KCNU1: variants seen among roughly 807,000 people sequenced by gnomAD.
KCNU1 encodes potassium channel subfamily U member 1.
A neutral mutation model predicts 126.8 loss-of-function variants in KCNU1; 93 were observed. The ratio of observed to expected loss-of-function variants is 0.73; its 90% confidence interval spans 0.62 to 0.87. KCNU1 has a LOEUF of 0.87. KCNU1 is among the 40% of genes least tolerant of loss of function. KCNU1 has a pLI of 0.00. For synonymous variants in KCNU1, 523 were observed against 494.2 expected (o/e 1.06, Z -0.77); for missense variants, 1,330 against 1,367.1 (o/e 0.97, Z 0.43).
intron 22 of KCNU1, among the ~76,000 whole-genome samples, chr8:36,914,403 C>T (rs1808015596): frequency 6.6e-6 from 1 of 152,214 alleles, no homozygotes; most frequent in South Asian, 2.1e-4. Context: ...ATACACAGGA[C>T]GGCCTCACAC....
At chr8:36,932,127 C>T (rs749754722) in intron 25 of KCNU1, among the ~76,000 whole-genome samples, 1 of 152,104 alleles carries the variant, frequency 6.6e-6, no homozygotes, top group Non-Finnish European at 1.5e-5. Context: ...AGGGGCAGGA[C>T]CCATGTTCTG....
intron 7 of KCNU1, 130 bp from the exon 8 acceptor site, chr8:36,814,077 C>A: frequency 1.5e-6 from 1 of 666,270 alleles, no homozygotes; most frequent in Non-Finnish European, 2.6e-6. Context: ...CTCTTCATAG[C>A]AACCTGAAAG....
chr8:36,785,871 T>A (rs1399048203), intron 1 of KCNU1, among the ~76,000 whole-genome samples: 1 of 152,220 alleles, frequency 6.6e-6, no homozygotes, highest in African/African-American at 2.4e-5. Context: ...TTTCATTTCT[T>A]ACTTTGGGTG....
intron 8 of KCNU1, among the ~76,000 whole-genome samples, chr8:36,815,337 G>A (rs1041809549): frequency 1.3e-5 from 2 of 152,038 alleles, no homozygotes; most frequent in African/African-American, 4.8e-5. Context: ...AGTGATGAAA[G>A]GATAAGACAT....
At chr8:36,852,847 T>C (rs1376653296) in intron 18 of KCNU1, among the ~76,000 whole-genome samples, 3 of 152,198 alleles carry the variant, frequency 2.0e-5, no homozygotes, top group African/African-American at 4.8e-5. Context: ...TTATCTATTT[T>C]GTTGATCTTT....
chr8:36,901,246 C>G (rs555338716), intron 19 of KCNU1, among the ~76,000 whole-genome samples: 27 of 152,130 alleles, frequency 1.8e-4, no homozygotes, highest in Non-Finnish European at 3.5e-4. Context: ...TGAACTAGCA[C>G]AGTGAAACCT....
intron 18 of KCNU1, among the ~76,000 whole-genome samples, chr8:36,862,570 C>T (rs931683905): frequency 3.3e-5 from 5 of 152,170 alleles, no homozygotes; most frequent in African/African-American, 4.8e-5. Flanking sequence ...ACCCCACACA[C>T]ATGCACCTTC....
At chr8:36,844,088 G>T (rs1047831337) in intron 16 of KCNU1, among the ~76,000 whole-genome samples, 5 of 152,052 alleles carry the variant, frequency 3.3e-5, no homozygotes, top group African/African-American at 4.8e-5. Context: ...TTAAAAAAAT[G>T]AAAGGAGCGG....
chr8:36,897,174 C>CTG (rs150557346), intron 19 of KCNU1, among the ~76,000 whole-genome samples: 36 of 151,190 alleles, frequency 2.4e-4, no homozygotes, highest in East Asian at 1.2e-3. Flanking sequence ...TTGCCAAAAG[C>CTG]TGTGTGTGTG....
chr8:36,870,507 T>C (rs1368335199), intron 19 of KCNU1, among the ~76,000 whole-genome samples: 3 of 152,144 alleles, frequency 2.0e-5, no homozygotes, highest in Non-Finnish European at 4.4e-5. Flanking sequence ...CCCCATCTTT[T>C]AGCCTCAATG....
chr8:36,883,957 T>C (rs1027741186), intron 19 of KCNU1, among the ~76,000 whole-genome samples: 16 of 152,204 alleles, frequency 1.1e-4, no homozygotes, highest in Non-Finnish European at 2.1e-4. Flanking sequence ...TGTTAAACTA[T>C]CTGAAAGGTA....
chr8:36,856,836 T>C (rs575464044), intron 18 of KCNU1, among the ~76,000 whole-genome samples: 1 of 152,332 alleles, frequency 6.6e-6, no homozygotes, highest in East Asian at 1.9e-4. Flanking sequence ...CTTTTTCTGG[T>C]TCACTATGGT....
At chr8:36,886,506 C>T (rs1049461677) in intron 19 of KCNU1, among the ~76,000 whole-genome samples, 1 of 152,068 alleles carries the variant, frequency 6.6e-6, no homozygotes, top group African/African-American at 2.4e-5. Flanking sequence ...AAAACAGAAA[C>T]AGGAATTTCA....
intron 2 of KCNU1, among the ~76,000 whole-genome samples, chr8:36,801,796 C>T (rs1170757483): frequency 6.6e-6 from 1 of 152,026 alleles, no homozygotes; most frequent in Non-Finnish European, 1.5e-5. Flanking sequence ...TTCATCAACA[C>T]TTAACCTAGA....
At chr8:36,787,856 C>CTACT (rs1563255042) in intron 2 of KCNU1, among the ~76,000 whole-genome samples, 1 of 146,622 alleles carries the variant, frequency 6.8e-6, no homozygotes, top group East Asian at 2.0e-4. Flanking sequence ...TATATATTGA[C>CTACT]TAATTATATA....
chr8:36,884,773 C>T (rs556880342), intron 19 of KCNU1, among the ~76,000 whole-genome samples: 1 of 151,038 alleles, frequency 6.6e-6, no homozygotes, highest in Admixed American at 6.6e-5. Flanking sequence ...AAATAAAAAC[C>T]AGGAAAAAAA....
chr8:36,918,696 T>C, intron 22 of KCNU1, 127 bp from the exon 23 acceptor site: 2 of 672,292 alleles, frequency 3.0e-6, no homozygotes, highest in Middle Eastern at 6.2e-4. Flanking sequence ...TAGTAAAGGA[T>C]TTGGGATTTA....
At chr8:36,839,719 A>C (rs1215514474) in intron 14 of KCNU1, among the ~76,000 whole-genome samples, 1 of 152,174 alleles carries the variant, frequency 6.6e-6, no homozygotes, top group African/African-American at 2.4e-5. Context: ...CAAGATTTTC[A>C]TCTGAGATTC....
intron 2 of KCNU1, among the ~76,000 whole-genome samples, chr8:36,794,231 G>T (rs752946851): frequency 5.9e-5 from 9 of 151,752 alleles, no homozygotes; most frequent in Non-Finnish European, 1.0e-4. Flanking sequence ...TGATTAGAAA[G>T]AACCTTTTTT....
Sources: allele counts gnomAD v4.1 joint callset (sites outside exome capture counted in the v4.1 genomes callset), GRCh38; gene constraint gnomAD v4.1.1; transcripts MANE v1.5; gene names NCBI Gene and HGNC (gene_info 2026-07-23, HGNC 2026-07-21).